The following DNAH8 variants were observed in gnomAD, a reference collection of about 807,000 sequenced individuals.
The protein encoded by DNAH8 is dynein axonemal heavy chain 8.
A neutral mutation model predicts 562.1 loss-of-function variants in DNAH8; 382 were observed. The observed-to-expected ratio is 0.68, with a 90% confidence interval of 0.63 to 0.74. The LOEUF is 0.74. Among genes scored for constraint, DNAH8 ranks in the 30% least tolerant of loss-of-function variants. The pLI is 0.00. For missense variants in DNAH8, 5,203 were observed against 5,620.4 expected (o/e 0.93, Z 2.37); for synonymous variants, 1,881 against 1,919.4 (o/e 0.98, Z 0.52).
chr6:38,893,882 A>T lies in DNAH8; in HGVS notation c.8584-819A>T, dbSNP rs373027903. On this transcript the variant is annotated intron_variant, in intron 58 of 92. Transcript: ENST00000327475. ...TTCACTTTCAAAAATGATGCTAATG[A>T]TATCAATTATGATCTTTATACATGA... Among the ~76,000 whole-genome samples the T allele has an allele frequency of 3.3e-5, 5 of 152,360 alleles. No individual in the cohort carries two copies. In the East Asian group the frequency reaches 9.6e-4, roughly 29 times the overall value.
intron 11 of DNAH8, among the ~76,000 whole-genome samples, chr6:38,770,055 A>T (rs1767409054): frequency 6.6e-6 from 1 of 152,206 alleles, no homozygotes; most frequent in Non-Finnish European, 1.5e-5. Context: ...GCTTCGTATG[A>T]CAGAAACTTC....
At chr6:38,800,433 G>A (rs955566889) in intron 21 of DNAH8, among the ~76,000 whole-genome samples, 1 of 152,128 alleles carries the variant, frequency 6.6e-6, no homozygotes, top group African/African-American at 2.4e-5. Flanking sequence ...GGTGACAGCT[G>A]TCCTGGTGAG....
rs1490895252 is a variant in DNAH8, at chr6:38,845,648, C to A, written c.4920C>A (p.Asn1640Lys). The change falls in exon 36 of 93, where the codon AAC becomes AAA. Residue 1640 changes from asparagine to lysine, a missense_variant. Asn to Lys is a moderately conservative substitution (Grantham distance 94). This residue lies in a region of DNAH8 where 2,176 missense variants were observed against 2,365.1 expected (regional missense o/e 0.92). Coordinates refer to ENST00000327475, the MANE Select transcript of DNAH8 (RefSeq NM_001206927.2). ...CTCAGGTGATTGAGAATTGGACCAA[C>A]CAAAATCTGAGTTTTGCAGCATTTA... ...KLTQVIENWT[N>K]QNLSFAAFKG... The A allele has an allele frequency of 1.9e-6, 3 of 1,613,890 alleles. No homozygotes were observed. The highest frequency in any genetic ancestry group is 1.1e-5 in the South Asian group (1 of 91,070).
At chr6:38,785,600 T>G (rs1472745273) in intron 17 of DNAH8, among the ~76,000 whole-genome samples, 1 of 152,154 alleles carries the variant, frequency 6.6e-6, no homozygotes, top group Non-Finnish European at 1.5e-5. Context: ...CCGCATGCAT[T>G]AGGTACTTTG....
intron 17 of DNAH8, among the ~76,000 whole-genome samples, chr6:38,785,549 G>A (rs913026485): frequency 6.6e-6 from 1 of 152,088 alleles, no homozygotes; most frequent in African/African-American, 2.4e-5. Flanking sequence ...TTAAGTTCTG[G>A]GATTTCTGCA....
In DNAH8 at chr6:38,786,777, C is replaced by G. The variant is rs200838286; in HGVS notation, c.2408C>G (p.Thr803Arg). 1.2e-5 allele frequency: 19 copies of G among 1,610,672 alleles called. No individual in the cohort carries two copies. The highest frequency in any genetic ancestry group is 1.6e-5 in the Non-Finnish European group (19 of 1,178,974). Reference protein sequence around the residue: ...ISQLHYALQATLFVRHPETGK... With the variant: ...ISQLHYALQARLFVRHPETGK... ...TATTTATTTGTAGCTTTACAAGCCACGCTTTTTGTGCGACATCCAGAAACA... is the reference window on the plus strand; with the variant it reads ...TATTTATTTGTAGCTTTACAAGCCAGGCTTTTTGTGCGACATCCAGAAACA... Residue 803 changes from threonine to arginine, a missense_variant, in exon 18 of 93, where the codon ACG becomes AGG. Transcript: ENST00000327475.
Position 38,938,085 on chromosome 6 carries a change from A to G in DNAH8, c.11675A>G (p.Asn3892Ser). 1 of 1,614,066 alleles carries G rather than the reference A, an allele frequency of 6.2e-7. No individual in the cohort carries two copies. Among genetic ancestry groups the G allele is most frequent in the Non-Finnish European group, 8.5e-7 (1 of 1,180,008 alleles). ...HVAAETEIKI[N>S]AAQEEFRPAA... ...GCTGCAGAAACTGAGATCAAGATCA[A>G]CGCGGCTCAGGAGGAGTTCCGGCCC... The change falls in exon 78 of 93, where the codon AAC (asparagine) becomes AGC (serine). Residue 3892 changes from asparagine to serine, a missense_variant. Asn to Ser is a conservative substitution (Grantham distance 46, BLOSUM62 1). Around this residue, in one of 6 missense-constraint regions of DNAH8, gnomAD observed 1,399 missense variants for 1,518.4 expected, o/e 0.92. Transcript: ENST00000327475.
intron 82 of DNAH8, 25 bp from the exon 83 acceptor site, chr6:38,971,567 T>C: frequency 6.9e-7 from 1 of 1,438,868 alleles, no homozygotes; most frequent in Non-Finnish European, 9.4e-7. Flanking sequence ...TGTTTCATCA[T>C]AGTGAACTTT....
intron 15 of DNAH8, among the ~76,000 whole-genome samples, chr6:38,780,801 ATAAC>A (rs1233339319): frequency 6.6e-6 from 1 of 152,164 alleles, no homozygotes; most frequent in East Asian, 1.9e-4. Flanking sequence ...GTTTACCTAT[ATAAC>A]AAACAAACAA....
Position 38,832,151 on chromosome 6 carries a change from T to C in DNAH8, c.4189-171T>C, listed in dbSNP as rs1678728. On this transcript the variant is annotated intron_variant, in intron 30 of 92. Transcript: ENST00000327475. ...GCCTCTTGAGTCAGGCTAGAATGAT[T>C]TGAGTCTCCTGTAGGTTCATTTGGG... 0.21 allele frequency among the ~76,000 whole-genome samples: 32,167 copies of C among 152,184 alleles called. 4,274 individuals carry two copies. The highest frequency in any genetic ancestry group is 0.37 in the African/African-American group (15,196 of 41,490).
intron 3 of DNAH8, among the ~76,000 whole-genome samples, chr6:38,724,825 G>T (rs1440109106): frequency 6.6e-6 from 1 of 152,168 alleles, no homozygotes; most frequent in Non-Finnish European, 1.5e-5. Context: ...CAGTGAGCAG[G>T]TGCAGACTGC....
At chr6:38,912,265 G>A (rs1324011182) in intron 66 of DNAH8, among the ~76,000 whole-genome samples, 3 of 152,168 alleles carry the variant, frequency 2.0e-5, no homozygotes, top group East Asian at 3.9e-4. Context: ...GAGTTCAAGA[G>A]CAGCCTGGGC....
At chr6:38,974,048 C>G (rs1763516281) in intron 84 of DNAH8, among the ~76,000 whole-genome samples, 1 of 152,090 alleles carries the variant, frequency 6.6e-6, no homozygotes, top group African/African-American at 2.4e-5. Flanking sequence ...CAGCTCTGAT[C>G]AATGTACTTA....
Position 38,923,189 on chromosome 6 carries a change from G to A in DNAH8, c.10790+4G>A, listed in dbSNP as rs571129029. 2.3e-4 allele frequency: 367 copies of A among 1,612,218 alleles called. 11 individuals are homozygous for A. In the South Asian group the frequency reaches 3.8e-3, roughly 17 times the overall value. ...AATTCAAAGCTCAGATTAATAGGTG[G>A]GAATCTGGGTCTTCTTCATAATCAC... On this transcript the variant is annotated splice_donor_region_variant and intron_variant, in intron 72 of 92. Coordinates refer to ENST00000327475, the MANE Select transcript of DNAH8 (RefSeq NM_001206927.2).
chr6:38,901,042 C>A (rs1318072589), intron 62 of DNAH8, among the ~76,000 whole-genome samples: 2 of 151,846 alleles, frequency 1.3e-5, no homozygotes, highest in African/African-American at 4.8e-5. Context: ...ATTATAAAAG[C>A]CCTTTCTCCA....
At chr6:38,966,548 A>G (rs73410595) in intron 82 of DNAH8, among the ~76,000 whole-genome samples, 7,149 of 152,256 alleles carry the variant, frequency 0.047, 518 homozygotes, top group African/African-American at 0.16. Flanking sequence ...ACTACAGACC[A>G]TTATCCCTTA....
In DNAH8 at chr6:38,826,238, G is replaced by T. The variant is rs778666054; in HGVS notation, c.3930G>T (p.Lys1310Asn). The change falls in exon 29 of 93, where the codon AAG becomes AAT. Residue 1310 changes from lysine to asparagine, a missense_variant. Around this residue, in one of 6 missense-constraint regions of DNAH8, gnomAD observed 2,176 missense variants for 2,365.1 expected, o/e 0.92. Transcript: ENST00000327475. ...GATATCTGAATGAAGAATACAAAAA[G>T]AAAATGTCATACATGATAGCATTTA... is the stretch of plus-strand genomic sequence containing the variant. The part of the protein sequence containing the change: ...LCRYLNEEYK[K>N]KMSYMIAFIN... 1.9e-6 allele frequency: 3 copies of T among 1,613,376 alleles called. No individual in the cohort carries two copies. The highest frequency in any genetic ancestry group is 1.3e-5 in the African/African-American group (1 of 74,882).
At chr6:38,769,295 G>T (rs1361324054) in intron 11 of DNAH8, among the ~76,000 whole-genome samples, 17 of 152,124 alleles carry the variant, frequency 1.1e-4, no homozygotes, top group Non-Finnish European at 4.4e-5. Flanking sequence ...AGGTATACAC[G>T]TGCCATGGTG....
intron 8 of DNAH8, among the ~76,000 whole-genome samples, chr6:38,747,559 GTA>G (rs1217195440): frequency 6.6e-6 from 1 of 151,968 alleles, no homozygotes; most frequent in Non-Finnish European, 1.5e-5. Flanking sequence ...GCTAATTTTT[GTA>G]TGTTTAGTAG....
Sources: allele counts gnomAD v4.1 joint callset (sites outside exome capture counted in the v4.1 genomes callset), GRCh38; gene constraint gnomAD v4.1.1; regional missense constraint gnomAD v4.1.1; transcripts MANE v1.5; gene names NCBI Gene and HGNC (gene_info 2026-07-23, HGNC 2026-07-21).